The following PLCB1 variants were observed in gnomAD, a reference collection of about 807,000 sequenced individuals.
The protein encoded by PLCB1 is 1-phosphatidylinositol 4,5-bisphosphate phosphodiesterase beta-1.
Under a neutral mutation model 161.8 loss-of-function variants are expected in PLCB1, and 46 were observed. The ratio of observed to expected loss-of-function variants is 0.28; its 90% CI spans 0.22 to 0.36. PLCB1 has a LOEUF of 0.36. Among genes scored for constraint, PLCB1 ranks in the 10% least tolerant of loss-of-function variants. The probability of loss-of-function intolerance (pLI) is 1.00; values close to 1 mark genes in which losing one functional copy is unlikely to be tolerated. For synonymous variants in PLCB1, 517 were observed against 503.7 expected, an observed-to-expected ratio of 1.03 and a Z score of -0.35; for missense variants, 1,016 against 1,472.5, an observed-to-expected ratio of 0.69 and a Z score of 5.07.
intron 3 of PLCB1, among the ~76,000 whole-genome samples, chr20:8,380,181 A>G (rs1987215883): frequency 6.6e-6 from 1 of 152,192 alleles, no homozygotes; most frequent in South Asian, 2.1e-4. Flanking sequence ...TTTCCTGCAC[A>G]TGGCTAGCCA....
At chr20:8,273,001 C>T (rs1160191017) in intron 2 of PLCB1, among the ~76,000 whole-genome samples, 1 of 152,102 alleles carries the variant, frequency 6.6e-6, no homozygotes, top group Admixed American at 6.6e-5. Flanking sequence ...TCATTCCTGA[C>T]ACAAAGGAGA....
intron 21 of PLCB1, 48 bp downstream of exon 21, chr20:8,739,408 T>C (rs374960555): frequency 1.0e-5 from 11 of 1,089,402 alleles, no homozygotes; most frequent in Admixed American, 1.7e-5. Flanking sequence ...GCAAAGAAAA[T>C]CATTACTGCT....
At chr20:8,776,933 A>G (rs1184829893) in intron 27 of PLCB1, among the ~76,000 whole-genome samples, 1 of 152,254 alleles carries the variant, frequency 6.6e-6, no homozygotes, top group African/African-American at 2.4e-5. Flanking sequence ...GATTTTAAAT[A>G]GAGTAGGCAC....
intron 3 of PLCB1, among the ~76,000 whole-genome samples, chr20:8,572,835 G>A (rs542957831): frequency 1.3e-4 from 20 of 152,258 alleles, no homozygotes; most frequent in African/African-American, 2.9e-4. Context: ...CATGAAGCTG[G>A]CCCTGCATTC....
At chr20:8,175,431 A>G (rs977619919) in intron 2 of PLCB1, among the ~76,000 whole-genome samples, 5 of 149,836 alleles carry the variant, frequency 3.3e-5, no homozygotes, top group African/African-American at 1.2e-4. Context: ...TGATGGAGAC[A>G]TTGGATATTC....
At chr20:8,766,034 T>G (rs1982298682) in intron 26 of PLCB1, among the ~76,000 whole-genome samples, 1 of 152,090 alleles carries the variant, frequency 6.6e-6, no homozygotes, top group Non-Finnish European at 1.5e-5. Context: ...CTGTCTGAAA[T>G]CCATAATGCC....
intron 4 of PLCB1, among the ~76,000 whole-genome samples, chr20:8,630,871 C>T (rs1988564830): frequency 6.6e-6 from 1 of 152,080 alleles, no homozygotes; most frequent in Non-Finnish European, 1.5e-5. Context: ...ATTTAATTTC[C>T]TCTTCTCTGT....
At chr20:8,781,609 G>A (rs1350864554) in intron 27 of PLCB1, among the ~76,000 whole-genome samples, 1 of 152,094 alleles carries the variant, frequency 6.6e-6, no homozygotes, top group Non-Finnish European at 1.5e-5. Flanking sequence ...TCGAGGTGGT[G>A]TATTAGTCCG....
chr20:8,858,496 T>G (rs1987141702), intron 31 of PLCB1, among the ~76,000 whole-genome samples: 1 of 152,170 alleles, frequency 6.6e-6, no homozygotes, highest in Non-Finnish European at 1.5e-5. Flanking sequence ...ATCATTCAAA[T>G]CTAAATGGCA....
At chr20:8,595,158 G>C (rs1041563089) in intron 3 of PLCB1, among the ~76,000 whole-genome samples, 5 of 151,162 alleles carry the variant, frequency 3.3e-5, no homozygotes, top group African/African-American at 4.9e-5. Flanking sequence ...GTGCAGGTTA[G>C]TTACATATGT....
At chr20:8,241,934 A>G (rs1439524328) in intron 2 of PLCB1, among the ~76,000 whole-genome samples, 1 of 152,012 alleles carries the variant, frequency 6.6e-6, no homozygotes, top group Non-Finnish European at 1.5e-5. Context: ...GAAGACAGGC[A>G]TGGTACACAC....
chr20:8,306,368 C>A (rs1157327898), intron 2 of PLCB1: 1 of 152,198 alleles, frequency 6.6e-6, no homozygotes, highest in East Asian at 1.9e-4. Flanking sequence ...CCCAGAAATG[C>A]CACCTGCAGG....
intron 2 of PLCB1, among the ~76,000 whole-genome samples, chr20:8,334,363 A>G (rs1299080763): frequency 6.6e-6 from 1 of 152,242 alleles, no homozygotes; most frequent in Non-Finnish European, 1.5e-5. Flanking sequence ...ATAGATTTAT[A>G]AGCATTAAAT....
chr20:8,230,671 A>C (rs545758368), intron 2 of PLCB1, among the ~76,000 whole-genome samples: 1 of 152,254 alleles, frequency 6.6e-6, no homozygotes, highest in East Asian at 1.9e-4. Flanking sequence ...TTAAACTTAA[A>C]GTTTAAAAAT....
chr20:8,538,428 G>T (rs986006571), intron 3 of PLCB1, among the ~76,000 whole-genome samples: 1 of 151,780 alleles, frequency 6.6e-6, no homozygotes, highest in Non-Finnish European at 1.5e-5. Flanking sequence ...CTCACTGCAG[G>T]CTCAAGCTCC....
At chr20:8,827,177 T>C (rs1231835842) in intron 31 of PLCB1, among the ~76,000 whole-genome samples, 1 of 152,236 alleles carries the variant, frequency 6.6e-6, no homozygotes, top group Non-Finnish European at 1.5e-5. Flanking sequence ...GAGGGAACTA[T>C]CCTTACTAAG....
chr20:8,703,687 G>C (rs1381967803), intron 11 of PLCB1, among the ~76,000 whole-genome samples: 2 of 152,110 alleles, frequency 1.3e-5, no homozygotes, highest in African/African-American at 4.8e-5. Flanking sequence ...GGAAAAGCAG[G>C]GGAAACAACA....
intron 26 of PLCB1, among the ~76,000 whole-genome samples, chr20:8,769,831 A>G (rs953566845): frequency 2.0e-5 from 3 of 152,236 alleles, no homozygotes; most frequent in Admixed American, 6.5e-5. Flanking sequence ...ATGCCAAGTT[A>G]TAGAGATAAG....
chr20:8,502,740 G>A (rs1047809519), intron 3 of PLCB1, among the ~76,000 whole-genome samples: 9 of 152,100 alleles, frequency 5.9e-5, no homozygotes, highest in South Asian at 2.1e-4. Context: ...AGAATTCTTC[G>A]AAAATTTGCT....
Sources: allele counts gnomAD v4.1 joint callset (sites outside exome capture counted in the v4.1 genomes callset), GRCh38; gene constraint gnomAD v4.1.1; transcripts MANE v1.5; gene names NCBI Gene and HGNC (gene_info 2026-07-23, HGNC 2026-07-21).